DCDC1: variants seen among roughly 807,000 people sequenced by gnomAD.
The protein encoded by DCDC1 is doublecortin domain containing 1.
DCDC1 carries 200 observed loss-of-function variants against 178.3 expected under a neutral mutation model. The observed-to-expected ratio is 1.12, with a 90% confidence interval of 1.00 to 1.26. The LOEUF (loss-of-function observed/expected upper bound fraction) is 1.26, where lower values mean the gene tolerates loss of function less well. Among genes scored for constraint, DCDC1 ranks in the 50% most tolerant of loss-of-function variants. The pLI, the probability that DCDC1 is intolerant of heterozygous loss-of-function variation, is 0.00. For synonymous variants in DCDC1, 690 were observed against 604.8 expected (o/e 1.14, Z -2.07); for missense variants, 1,983 against 1,749.2 (o/e 1.13, Z -2.38).
intron 20 of DCDC1, among the ~76,000 whole-genome samples, chr11:31,027,549 T>A (rs1403942865): frequency 1.3e-5 from 2 of 151,874 alleles, no homozygotes; most frequent in African/African-American, 4.8e-5. Context: ...TAATTTCAAG[T>A]AATATTTTTT....
intron 25 of DCDC1, among the ~76,000 whole-genome samples, chr11:30,919,576 T>C (rs551957663): frequency 2.6e-5 from 4 of 152,198 alleles, no homozygotes; most frequent in Non-Finnish European, 5.9e-5. Context: ...GATGTGAAAG[T>C]TCGTGGTCAA....
At chr11:30,894,457 C>T (rs1590257886) in intron 34 of DCDC1, 73 bp from the exon 35 acceptor site, 3 of 1,576,302 alleles carry the variant, frequency 1.9e-6, no homozygotes, top group Non-Finnish European at 1.7e-6. Flanking sequence ...TGATTTGGCT[C>T]TCTATGTATA....
chr11:31,213,555 A>C (rs1973117257), intron 9 of DCDC1, among the ~76,000 whole-genome samples: 2 of 151,902 alleles, frequency 1.3e-5, no homozygotes, highest in Admixed American at 6.6e-5. Context: ...CCCCATCTTT[A>C]TTAAAAATAC....
intron 38 of DCDC1, among the ~76,000 whole-genome samples, chr11:30,866,798 T>G (rs2133896577): frequency 6.6e-6 from 1 of 152,274 alleles, no homozygotes. Flanking sequence ...AGTCATGTTC[T>G]GTAAACTGAC....
chr11:31,253,160 T>C (rs981995907), intron 8 of DCDC1, among the ~76,000 whole-genome samples: 4 of 152,176 alleles, frequency 2.6e-5, no homozygotes, highest in African/African-American at 9.7e-5. Context: ...TAGTGAGTAA[T>C]TCATTGCAAA....
At chr11:31,033,787 G>A (rs1354617999) in intron 20 of DCDC1, among the ~76,000 whole-genome samples, 1 of 152,086 alleles carries the variant, frequency 6.6e-6, no homozygotes, top group African/African-American at 2.4e-5. Context: ...ATCTGACCCT[G>A]TGTAGGCCTA....
At chr11:30,999,166 GA>G (rs1422281740) in intron 20 of DCDC1, among the ~76,000 whole-genome samples, 1 of 152,166 alleles carries the variant, frequency 6.6e-6, no homozygotes, top group Non-Finnish European at 1.5e-5. Context: ...CACAACTACT[GA>G]AGGCAGTGTG....
chr11:30,903,714 G>A, intron 31 of DCDC1, 31 bp from the exon 32 acceptor site: 2 of 1,527,910 alleles, frequency 1.3e-6, no homozygotes, highest in Non-Finnish European at 1.8e-6. Context: ...GGATCTGACA[G>A]GCAAAGGTGA....
intron 20 of DCDC1, among the ~76,000 whole-genome samples, chr11:30,964,886 A>T (rs980474403): frequency 6.6e-6 from 1 of 152,098 alleles, no homozygotes; most frequent in Non-Finnish European, 1.5e-5. Context: ...ATGGCTTAAG[A>T]TCAACAGGAC....
At position 31,306,384 on chromosome 11, in the gene DCDC1, C is replaced by A; in HGVS notation, c.439G>T (p.Ala147Ser). 2 of 1,596,268 alleles carry A rather than the reference C, an allele frequency of 1.3e-6. No individual in the cohort carries two copies. The highest frequency in any genetic ancestry group is 1.7e-6 in the Non-Finnish European group (2 of 1,173,946). Reference protein sequence around the residue: ...VSAPVGQLRVAEFSSLKFQSA... With the variant: ...VSAPVGQLRVSEFSSLKFQSA... ...TGAAATTTTAAAGAAGAGAACTCTG[C>A]AACCCTGAAGAAAAAGAAAAACAGA... Residue 147 changes from alanine (A) to serine (S), a missense_variant, in exon 5 of 39, where the codon GCA (alanine) becomes TCA (serine). Ala to Ser is a moderately conservative substitution (Grantham distance 99). Coordinates refer to ENST00000684477, the MANE Select transcript of DCDC1 (RefSeq NM_001387274.1).
At chr11:31,301,687 G>C (rs1375191443) in intron 6 of DCDC1, among the ~76,000 whole-genome samples, 1 of 152,154 alleles carries the variant, frequency 6.6e-6, no homozygotes, top group Non-Finnish European at 1.5e-5. Flanking sequence ...TGTGTCTTGT[G>C]TGTCGTGGAA....
chr11:31,104,439 A>C (rs1277118438), intron 13 of DCDC1, among the ~76,000 whole-genome samples: 2 of 152,136 alleles, frequency 1.3e-5, no homozygotes, highest in Non-Finnish European at 2.9e-5. Flanking sequence ...ACAAACCCAG[A>C]ATGTGGGACA....
chr11:30,904,885 T>C, intron 31 of DCDC1, 76 bp downstream of exon 31: 4 of 1,557,574 alleles, frequency 2.6e-6, no homozygotes, highest in Non-Finnish European at 3.5e-6. Context: ...TCAATCCCAC[T>C]GCTTTTTCTT....
At chr11:31,125,806 G>A (rs911235774) in intron 11 of DCDC1, among the ~76,000 whole-genome samples, 1 of 152,046 alleles carries the variant, frequency 6.6e-6, no homozygotes, top group Non-Finnish European at 1.5e-5. Context: ...GAGCATTAGG[G>A]AAAAGAGCTA....
At chr11:31,214,941 A>T (rs996897564) in intron 9 of DCDC1, among the ~76,000 whole-genome samples, 1 of 151,700 alleles carries the variant, frequency 6.6e-6, no homozygotes, top group African/African-American at 2.4e-5. Context: ...TAATATTTTT[A>T]TATATTTAAT....
Position 30,920,829 on chromosome 11 carries a change from T to C in DCDC1, c.3240A>G (p.Glu1080=), listed in dbSNP as rs1389307371. 1 of 1,613,720 alleles carries C rather than the reference T, an allele frequency of 6.2e-7. No homozygotes were observed. The highest frequency in any genetic ancestry group is 1.1e-5 in the South Asian group (1 of 91,024). Reference sequence around the variant, plus strand: ...TTAGAGGATCTTCTTGCATTTGCTTTTCTTCCGGTTCTGTAACTTGCTTCT... The same window carrying C: ...TTAGAGGATCTTCTTGCATTTGCTTCTCTTCCGGTTCTGTAACTTGCTTCT... ...GEEKQVTEPE[E]KQMQEDPLTT... is the part of the protein sequence containing the mutation. Residue 1080 remains glutamate, a synonymous_variant, in exon 25 of 39, where the codon GAA becomes GAG. Transcript: ENST00000684477.
intron 20 of DCDC1, among the ~76,000 whole-genome samples, chr11:31,018,519 T>G (rs1014698882): frequency 2.6e-5 from 4 of 152,312 alleles, no homozygotes; most frequent in Middle Eastern, 3.4e-3. Context: ...TGTGTGTTAT[T>G]CATCTCCATC....
chr11:30,950,864 G>A (rs1424131138), intron 21 of DCDC1, among the ~76,000 whole-genome samples: 1 of 152,028 alleles, frequency 6.6e-6, no homozygotes, highest in African/African-American at 2.4e-5. Context: ...GAAATGGAAT[G>A]TTCCTAAAAC....
intron 16 of DCDC1, among the ~76,000 whole-genome samples, chr11:31,093,611 A>T (rs1392976642): frequency 6.6e-6 from 1 of 152,204 alleles, no homozygotes; most frequent in Non-Finnish European, 1.5e-5. Flanking sequence ...GCTCATGTTT[A>T]TACTCAGGGA....
Sources: gnomAD v4.1 joint callset for allele counts (sites outside exome capture counted in the v4.1 genomes callset) on GRCh38, gnomAD v4.1.1 for gene constraint, MANE v1.5 for transcripts, NCBI Gene and HGNC (gene_info 2026-07-23, HGNC 2026-07-21) for gene names.